Variants in TADA1 observed in about 807,000 individuals in gnomAD.
TADA1 encodes the protein transcriptional adaptor 1.
TADA1 carries 23 observed loss-of-function variants against 39.3 expected under a neutral mutation model. The ratio of observed to expected loss-of-function variants is 0.58; its 90% CI spans 0.42 to 0.83. The LOEUF (loss-of-function observed/expected upper bound fraction) is 0.83, where lower values mean the gene tolerates loss of function less well. Ranked by LOEUF, TADA1 falls within the 40% of genes least tolerant of loss-of-function variation. The pLI, the probability that TADA1 is intolerant of heterozygous loss-of-function variation, is 0.00. For missense variants in TADA1, 352 were observed against 408.1 expected (o/e 0.86, Z 1.18); for synonymous variants, 137 against 151.8 (o/e 0.90, Z 0.72).
intron 1 of TADA1, among the ~76,000 whole-genome samples, chr1:166,870,770 G>A (rs1311446517): frequency 6.6e-6 from 1 of 152,076 alleles, no homozygotes; most frequent in African/African-American, 2.4e-5. Context: ...TCAGGGCTGC[G>A]GCGAGCCATG....
At chr1:166,873,811 C>T (rs756015154) in intron 1 of TADA1, among the ~76,000 whole-genome samples, 16 of 152,252 alleles carry the variant, frequency 1.1e-4, no homozygotes, top group Middle Eastern at 3.4e-3. Context: ...ATCAGACAGT[C>T]GGCTTTGGCC....
intron 1 of TADA1, 98 bp downstream of exon 1, chr1:166,876,061 GC>G: frequency 4.1e-6 from 5 of 1,215,468 alleles, no homozygotes; most frequent in Non-Finnish European, 4.5e-6. Flanking sequence ...GGCTGCACAG[GC>G]CCCCGGGCGA....
rs1658615344 is a variant in TADA1, at chr1:166,869,717, G to C, written c.166+46C>G. ...GGGAAAAGACTTTACTACAAATCTA[G>C]GAAAACTACAGAATAGTAAAATAAC... On this transcript the variant is annotated intron_variant, in intron 2 of 7. Transcript: ENST00000367874. The C allele has an allele frequency of 2.5e-6, 4 of 1,576,794 alleles. No individual in the cohort carries two copies. The East Asian group carries it at 9.0e-5, about 35-fold the overall frequency.
intron 6 of TADA1, among the ~76,000 whole-genome samples, chr1:166,859,627 G>A (rs1025221590): frequency 6.6e-6 from 1 of 152,088 alleles, no homozygotes; most frequent in Non-Finnish European, 1.5e-5. Flanking sequence ...CCCTCAATGG[G>A]AAGACGACAC....
chr1:166,862,353 G>A lies in TADA1; in HGVS notation c.390C>T (p.Pro130=). 1 of 1,614,140 alleles carries A rather than the reference G, an allele frequency of 6.2e-7. No individual in the cohort carries two copies. The highest frequency in any genetic ancestry group is 8.5e-7 in the Non-Finnish European group (1 of 1,180,026). The change falls in exon 5 of 8, where the codon CCC becomes CCT. Residue 130 remains proline, a synonymous_variant. Coordinates refer to ENST00000367874, the MANE Select transcript of TADA1 (RefSeq NM_053053.4). ...SGAQQFVAKD[P]QDDDDLKLCS... ...AAAGTTTCAAGTCGTCATCATCTTG[G>A]GGATCCTTTGCCACAAATTGCTGGG...
chr1:166,872,389 A>G (rs1016622334), intron 1 of TADA1, among the ~76,000 whole-genome samples: 4 of 152,188 alleles, frequency 2.6e-5, no homozygotes, highest in African/African-American at 7.2e-5. Context: ...AGTGATCTGC[A>G]GGCCGGGCGC....
chr1:166,873,866 C>T (rs913693284), intron 1 of TADA1, among the ~76,000 whole-genome samples: 1 of 152,072 alleles, frequency 6.6e-6, no homozygotes, highest in African/African-American at 2.4e-5. Context: ...ACACTTTTGG[C>T]AGCCCTGAAC....
intron 1 of TADA1, among the ~76,000 whole-genome samples, chr1:166,870,116 G>T (rs1450864772): frequency 6.6e-6 from 1 of 152,136 alleles, no homozygotes; most frequent in African/African-American, 2.4e-5. Flanking sequence ...AGGAAATTTT[G>T]CATTCCCTGG....
At chr1:166,857,814 A>T (rs1276563280) in intron 7 of TADA1, 95 bp from the exon 8 acceptor site, 1 of 1,351,792 alleles carries the variant, frequency 7.4e-7, no homozygotes, top group Admixed American at 2.3e-5. Context: ...CATACACACA[A>T]TCTATAAACT....
chr1:166,873,564 T>A (rs970624114), intron 1 of TADA1, among the ~76,000 whole-genome samples: 10 of 151,796 alleles, frequency 6.6e-5, no homozygotes, highest in Non-Finnish European at 1.2e-4. Context: ...CAAAGCAAAC[T>A]GCTCATGGAG....
intron 7 of TADA1, 132 bp from the exon 8 acceptor site, chr1:166,857,851 C>G: frequency 9.5e-7 from 1 of 1,047,292 alleles, no homozygotes; most frequent in Non-Finnish European, 1.4e-6. Context: ...AATGAATCAC[C>G]AATTGGATAA....
chr1:166,858,098 C>A (rs1403923646), intron 7 of TADA1, 21 bp downstream of exon 7: 1 of 1,613,390 alleles, frequency 6.2e-7, no homozygotes, highest in African/African-American at 1.3e-5. Flanking sequence ...CCTAGGTAAA[C>A]TTTAAGGAGC....
At chr1:166,859,187 T>C (rs1006208128) in intron 6 of TADA1, among the ~76,000 whole-genome samples, 3 of 152,182 alleles carry the variant, frequency 2.0e-5, no homozygotes, top group East Asian at 1.9e-4. Flanking sequence ...AGTCATGAAA[T>C]GGGCACTGGC....
Position 166,857,468 on chromosome 1 carries a change from A to G in TADA1, c.*99T>C. On this transcript the variant is annotated 3_prime_UTR_variant, in exon 8 of 8. Transcript: ENST00000367874. ...CACATTTCCATAGGAAAGGTTATAT[A>G]TACACTATACACTTCAGCCTTGAAA... The G allele has an allele frequency of 1.5e-6, 2 of 1,350,728 alleles. No homozygotes were observed. Among genetic ancestry groups the G allele is most frequent in the Non-Finnish European group, 2.1e-6 (2 of 975,596 alleles). The allele number at this position is 1,350,728 out of a possible 1,614,324, so 83.7% of individuals were successfully genotyped here. A position where few individuals can be genotyped will look rare whatever the true frequency, so the allele number is the denominator to read the frequency against.
rs1205630008 is a variant in TADA1, at chr1:166,862,321, T to C, written c.422A>G (p.His141Arg). 6.2e-7 allele frequency: 1 copy of C among 1,614,056 alleles called. No homozygotes were observed. Among genetic ancestry groups the C allele is most frequent in the Non-Finnish European group, 8.5e-7 (1 of 1,180,034 alleles). The change falls in exon 5 of 8, where the codon CAC becomes CGC. Residue 141 changes from histidine (H) to arginine (R), a missense_variant. His to Arg is a conservative substitution (Grantham distance 29). Transcript: ENST00000367874. ...GCCTCGAGTGGGAAGCATCATTGTG[T>C]GGGAACAAAGTTTCAAGTCGTCATC... ...QDDDDLKLCSHTMMLPTRGQL... is the reference protein window; with the variant it reads ...QDDDDLKLCSRTMMLPTRGQL...
rs771134514 is a variant in TADA1, at chr1:166,858,181, C to T, written c.793G>A (p.Gly265Arg). The change falls in exon 7 of 8, where the codon GGA becomes AGA. Residue 265 changes from glycine to arginine, a missense_variant. Physicochemically the swap from Gly to Arg is moderately radical, Grantham distance 125 (BLOSUM62 -2). Transcript: ENST00000367874. ...QQAALLLACSGDTLPASLPPV... is the reference protein window; with the variant it reads ...QQAALLLACSRDTLPASLPPV... ...GGCAAAGATGCAGGTAGAGTGTCTC[C>T]GGAGCATGCCAGCAGGAGTGCAGCC... is the stretch of plus-strand genomic sequence containing the variant. 3.1e-6 allele frequency: 5 copies of T among 1,613,970 alleles called. No individual in the cohort carries two copies. Among genetic ancestry groups the T allele is most frequent in the Non-Finnish European group, 4.2e-6 (5 of 1,179,968 alleles).
intron 6 of TADA1, among the ~76,000 whole-genome samples, chr1:166,859,603 G>C (rs944896327): frequency 5.3e-5 from 8 of 152,234 alleles, no homozygotes; most frequent in East Asian, 1.9e-4. Flanking sequence ...TCAGGACATA[G>C]AGACATCCTG....
At chr1:166,870,828 C>G (rs1224103129) in intron 1 of TADA1, among the ~76,000 whole-genome samples, 2 of 152,082 alleles carry the variant, frequency 1.3e-5, no homozygotes, top group African/African-American at 4.8e-5. Flanking sequence ...GACCTTGTCT[C>G]AAAACAAATA....
At chr1:166,874,457 G>A (rs1658722352) in intron 1 of TADA1, among the ~76,000 whole-genome samples, 1 of 152,076 alleles carries the variant, frequency 6.6e-6, no homozygotes, top group Non-Finnish European at 1.5e-5. Context: ...AATTCAATAA[G>A]CACAGTGAAC....
Sources: allele counts gnomAD v4.1 joint callset (sites outside exome capture counted in the v4.1 genomes callset), GRCh38; gene constraint gnomAD v4.1.1; transcripts MANE v1.5; gene names NCBI Gene and HGNC (gene_info 2026-07-23, HGNC 2026-07-21).